ZNF804B: variants seen among roughly 807,000 people sequenced by gnomAD.
ZNF804B encodes the protein zinc finger 804B.
A neutral mutation model predicts 101.4 loss-of-function variants in ZNF804B; 80 were observed. That is an observed-to-expected ratio of 0.79 (90% CI 0.66 to 0.95). The LOEUF (loss-of-function observed/expected upper bound fraction) is 0.95. ZNF804B is among the 40% of genes least tolerant of loss of function. The pLI is 0.00. For synonymous variants in ZNF804B, 622 were observed against 558.8 expected, an observed-to-expected ratio of 1.11 and a Z score of -1.59; for missense variants, 1,673 against 1,561.9, an observed-to-expected ratio of 1.07 and a Z score of -1.20.
intron 1 of ZNF804B, among the ~76,000 whole-genome samples, chr7:88,809,484 G>C (rs1425489456): frequency 1.3e-5 from 2 of 152,004 alleles, no homozygotes; most frequent in African/African-American, 4.8e-5. Flanking sequence ...TAAAGGAATT[G>C]TCTTTAAAGG....
chr7:88,854,161 G>T (rs1195274322), intron 1 of ZNF804B, among the ~76,000 whole-genome samples: 1 of 151,980 alleles, frequency 6.6e-6, no homozygotes, highest in Non-Finnish European at 1.5e-5. Context: ...TTTACTATAA[G>T]CCAGGAAAAT....
chr7:88,820,159 G>A (rs1234585996), intron 1 of ZNF804B, among the ~76,000 whole-genome samples: 1 of 152,132 alleles, frequency 6.6e-6, no homozygotes, highest in Non-Finnish European at 1.5e-5. Context: ...GAATTCTAAG[G>A]AGGGCATATA....
In ZNF804B at chr7:89,220,032, C is replaced by CACATATAT. The variant is rs1788969785; in HGVS notation, c.249+1737_249+1738insACATATAT. Among the ~76,000 whole-genome samples the CACATATAT allele has an allele frequency of 1.1e-4, 10 of 88,048 alleles. 2 individuals carry two copies. Among genetic ancestry groups the CACATATAT allele is most frequent in the Admixed American group, 4.6e-4 (4 of 8,690 alleles). 57.8% of individuals were successfully genotyped at this position (88,048 alleles called of 152,430 possible). A position where few individuals can be genotyped will look rare whatever the true frequency, so the allele number is the denominator to read the frequency against. ...ATATATGTGTGTATACATATATATA[C>CACATATAT]GCACATATATGTGCATATATACATA... On this transcript the variant is annotated intron_variant, in intron 2 of 3. Transcript: ENST00000333190.
intron 1 of ZNF804B, among the ~76,000 whole-genome samples, chr7:89,178,981 A>G (rs1272985710): frequency 6.6e-6 from 1 of 152,156 alleles, no homozygotes; most frequent in African/African-American, 2.4e-5. Flanking sequence ...CATTTAAAAT[A>G]TGTCATGCCA....
chr7:89,168,061 AG>A (rs1256222642), intron 1 of ZNF804B, among the ~76,000 whole-genome samples: 2 of 152,154 alleles, frequency 1.3e-5, no homozygotes, highest in Non-Finnish European at 2.9e-5. Flanking sequence ...TGAAATGATT[AG>A]GGACACTAAC....
intron 2 of ZNF804B, among the ~76,000 whole-genome samples, chr7:89,275,434 A>C (rs953505915): frequency 6.6e-6 from 1 of 151,856 alleles, no homozygotes; most frequent in Non-Finnish European, 1.5e-5. Context: ...CATATCACTC[A>C]AAGTAGAAAT....
intron 1 of ZNF804B, among the ~76,000 whole-genome samples, chr7:88,941,305 C>A (rs897555609): frequency 9.2e-5 from 14 of 151,982 alleles, no homozygotes; most frequent in African/African-American, 2.7e-4. Context: ...GCACAAAATC[C>A]TGCACACAGA....
intron 2 of ZNF804B, 54 bp from the exon 3 acceptor site, chr7:89,327,290 A>G: frequency 6.7e-7 from 1 of 1,501,006 alleles, no homozygotes. Context: ...TTGTGGATGG[A>G]AAAGAATATA....
chr7:88,953,212 C>T (rs2116072951), intron 1 of ZNF804B, among the ~76,000 whole-genome samples: 1 of 151,854 alleles, frequency 6.6e-6, no homozygotes, highest in Admixed American at 6.6e-5. Flanking sequence ...TTTCATTCTC[C>T]AGTTTGCTCA....
At chr7:88,912,225 A>G (rs966668347) in intron 1 of ZNF804B, among the ~76,000 whole-genome samples, 2 of 151,876 alleles carry the variant, frequency 1.3e-5, no homozygotes, top group African/African-American at 4.8e-5. Context: ...TCTTTTGTAA[A>G]CTTTCTCTAC....
intron 2 of ZNF804B, among the ~76,000 whole-genome samples, chr7:89,220,047 A>ATATATACGCACATATATATGTGTG (rs1562920296): frequency 4.1e-4 from 16 of 38,758 alleles, no homozygotes; most frequent in Non-Finnish European, 2.7e-4. Context: ...ATATATGTGC[A>ATATATACGCACATATATATGTGTG]TATATACATA....
chr7:89,212,397 A>G (rs1788819421), intron 1 of ZNF804B, among the ~76,000 whole-genome samples: 1 of 152,084 alleles, frequency 6.6e-6, no homozygotes, highest in Non-Finnish European at 1.5e-5. Flanking sequence ...AGACAAATTA[A>G]CAAGATAAGA....
At chr7:89,046,837 C>A (rs1245808185) in intron 1 of ZNF804B, among the ~76,000 whole-genome samples, 1 of 151,810 alleles carries the variant, frequency 6.6e-6, no homozygotes, top group Non-Finnish European at 1.5e-5. Flanking sequence ...TGCAAGTATA[C>A]CCATAAATAG....
intron 1 of ZNF804B, among the ~76,000 whole-genome samples, chr7:89,006,448 T>C (rs1562857461): frequency 6.6e-6 from 1 of 152,138 alleles, no homozygotes. Flanking sequence ...AAACCAGTCT[T>C]GAAACCTCAT....
chr7:88,763,090 A>G (rs1011439626), intron 1 of ZNF804B, among the ~76,000 whole-genome samples: 4 of 152,132 alleles, frequency 2.6e-5, no homozygotes, highest in Non-Finnish European at 5.9e-5. Flanking sequence ...TGATATCTGG[A>G]TATTATGGAT....
At chr7:89,044,584 C>T (rs527426819) in intron 1 of ZNF804B, among the ~76,000 whole-genome samples, 34 of 152,138 alleles carry the variant, frequency 2.2e-4, no homozygotes, top group Non-Finnish European at 3.5e-4. Flanking sequence ...ATGCTGATAG[C>T]GACATGGACA....
Position 89,055,086 on chromosome 7 carries a change from A to G in ZNF804B, c.109-163069A>G, listed in dbSNP as rs1031326180. Among the ~76,000 whole-genome samples the G allele has an allele frequency of 3.3e-5, 5 of 152,126 alleles. No individual in the cohort carries two copies. The South Asian group carries it at 6.2e-4, about 19-fold the overall frequency. ...GAGTGATGGGGTGAAAGTGATGTTAAGTGTTGACTTAGATTGACTGGCTAT... is the reference window on the plus strand; with the variant it reads ...GAGTGATGGGGTGAAAGTGATGTTAGGTGTTGACTTAGATTGACTGGCTAT... On this transcript the variant is annotated intron_variant, in intron 1 of 3. Coordinates refer to ENST00000333190, the MANE Select transcript of ZNF804B (RefSeq NM_181646.5).
intron 1 of ZNF804B, among the ~76,000 whole-genome samples, chr7:88,892,874 G>A (rs957974756): frequency 2.0e-5 from 3 of 151,996 alleles, no homozygotes; most frequent in African/African-American, 7.2e-5. Context: ...GAATTATATT[G>A]GTATTGTTAG....
intron 1 of ZNF804B, among the ~76,000 whole-genome samples, chr7:89,013,749 A>C (rs1788498727): frequency 1.3e-5 from 2 of 152,312 alleles, no homozygotes; most frequent in East Asian, 3.9e-4. Flanking sequence ...GTCCTTTGAC[A>C]AATCTCTCCC....
Sources: gnomAD v4.1 joint callset for allele counts (sites outside exome capture counted in the v4.1 genomes callset) on GRCh38, gnomAD v4.1.1 for gene constraint, MANE v1.5 for transcripts, NCBI Gene and HGNC (gene_info 2026-07-23, HGNC 2026-07-21) for gene names.